Variants in COL8A1 observed in about 807,000 individuals in gnomAD.
COL8A1 encodes collagen alpha-1(VIII) chain.
In COL8A1, 21 loss-of-function variants were observed where a neutral mutation model predicts 42.7. That is an observed-to-expected ratio of 0.49 (90% confidence interval 0.35 to 0.71). The LOEUF is 0.71. COL8A1 is among the 30% of genes least tolerant of loss of function. The pLI is 0.01. For missense variants in COL8A1, 788 were observed against 962.4 expected (o/e 0.82, Z 2.40); for synonymous variants, 367 against 369.1 (o/e 0.99, Z 0.06).
At chr3:99,713,510 C>A (rs144984416) in intron 1 of COL8A1, among the ~76,000 whole-genome samples, 105 of 152,212 alleles carry the variant, frequency 6.9e-4, no homozygotes, top group African/African-American at 2.1e-3. Flanking sequence ...ACAGAATCCA[C>A]GAGCTTCTAT....
intron 1 of COL8A1, among the ~76,000 whole-genome samples, chr3:99,734,834 G>C (rs1236518778): frequency 2.6e-5 from 4 of 152,108 alleles, no homozygotes; most frequent in Non-Finnish European, 5.9e-5. Flanking sequence ...CTTGAGAAGT[G>C]GTTTGCAGTT....
At chr3:99,701,941 T>C (rs1939552665) in intron 1 of COL8A1, among the ~76,000 whole-genome samples, 1 of 152,184 alleles carries the variant, frequency 6.6e-6, no homozygotes, top group South Asian at 2.1e-4. Context: ...CCCATTACTC[T>C]CCTCTACCCT....
Position 99,703,137 on chromosome 3 carries a change from G to T in COL8A1, c.-128-41760G>T, listed in dbSNP as rs113103592. ...TTGGTTTTCACACTAATGAAGATAA[G>T]GAACTAGTGAGGGTATTGAGCAGAA... On this transcript the variant is annotated intron_variant, in intron 1 of 3. Coordinates refer to ENST00000652472, the MANE Select transcript of COL8A1 (RefSeq NM_020351.4). Among the ~76,000 whole-genome samples the T allele has an allele frequency of 3.8e-3, 575 of 152,284 alleles. 3 individuals are homozygous for T. The highest frequency in any genetic ancestry group is 0.013 in the African/African-American group (539 of 41,544).
At chr3:99,665,835 C>T (rs1450071429) in intron 1 of COL8A1, among the ~76,000 whole-genome samples, 1 of 150,812 alleles carries the variant, frequency 6.6e-6, no homozygotes, top group Admixed American at 6.6e-5. Context: ...GTGCCCGCTG[C>T]CACACTTAGC....
At chr3:99,704,184 C>T (rs997688007) in intron 1 of COL8A1, among the ~76,000 whole-genome samples, 8 of 151,976 alleles carry the variant, frequency 5.3e-5, no homozygotes, top group African/African-American at 1.9e-4. Context: ...AAAAATAATA[C>T]TTTAAGAATG....
intron 3 of COL8A1, 89 bp downstream of exon 3, chr3:99,791,099 C>A: frequency 4.1e-6 from 5 of 1,224,222 alleles, no homozygotes; most frequent in Non-Finnish European, 4.5e-6. Flanking sequence ...ATTTTAGAAG[C>A]TTTAGTTTTA....
intron 1 of COL8A1, among the ~76,000 whole-genome samples, chr3:99,695,675 C>A (rs909118246): frequency 1.3e-5 from 2 of 152,040 alleles, no homozygotes; most frequent in African/African-American, 4.8e-5. Context: ...CATAGCATTG[C>A]CACAATTTTT....
chr3:99,666,417 C>T (rs1349734489), intron 1 of COL8A1, among the ~76,000 whole-genome samples: 1 of 152,160 alleles, frequency 6.6e-6, no homozygotes, highest in Admixed American at 6.5e-5. Flanking sequence ...GCATAATCCT[C>T]CTTCTTGAGA....
At chr3:99,741,189 A>T (rs938846308) in intron 1 of COL8A1, among the ~76,000 whole-genome samples, 3 of 152,154 alleles carry the variant, frequency 2.0e-5, no homozygotes, top group African/African-American at 4.8e-5. Context: ...TACTAATGAG[A>T]TTGAAGGCTT....
At chr3:99,677,897 A>G (rs1160054804) in intron 1 of COL8A1, 1 of 151,736 alleles carries the variant, frequency 6.6e-6, no homozygotes, top group Non-Finnish European at 1.5e-5. Flanking sequence ...ATGTAAGGAC[A>G]TGGGAAAATC....
chr3:99,675,211 A>C (rs1938657454), intron 1 of COL8A1, among the ~76,000 whole-genome samples: 1 of 152,000 alleles, frequency 6.6e-6, no homozygotes, highest in Non-Finnish European at 1.5e-5. Flanking sequence ...ATGACACAGA[A>C]AGCTAGAGCC....
intron 1 of COL8A1, among the ~76,000 whole-genome samples, chr3:99,743,402 C>A (rs1331765044): frequency 1.3e-5 from 2 of 152,196 alleles, no homozygotes; most frequent in Non-Finnish European, 2.9e-5. Context: ...ACCCTTCAGG[C>A]CTGAACACAC....
At chr3:99,745,097 G>C (rs1268921120) in intron 2 of COL8A1, 76 bp downstream of exon 2, 1 of 152,306 alleles carries the variant, frequency 6.6e-6, no homozygotes, top group Non-Finnish European at 1.5e-5. Context: ...CGCTGTCCAG[G>C]AGCACAAGGG....
chr3:99,784,643 A>C (rs1344279938), intron 2 of COL8A1, among the ~76,000 whole-genome samples: 1 of 152,230 alleles, frequency 6.6e-6, no homozygotes, highest in Non-Finnish European at 1.5e-5. Context: ...AACATAGAAA[A>C]GATAATGCAT....
At chr3:99,681,932 G>A (rs1249213290) in intron 1 of COL8A1, among the ~76,000 whole-genome samples, 1 of 152,200 alleles carries the variant, frequency 6.6e-6, no homozygotes, top group African/African-American at 2.4e-5. Flanking sequence ...AGCAGAGTGT[G>A]ATATGCAACC....
At chr3:99,731,721 T>C (rs934280481) in intron 1 of COL8A1, among the ~76,000 whole-genome samples, 1 of 152,156 alleles carries the variant, frequency 6.6e-6, no homozygotes, top group Non-Finnish European at 1.5e-5. Context: ...GTTTTTGTTC[T>C]CAAGATCTGA....
chr3:99,769,491 A>G (rs2107436410), intron 2 of COL8A1, among the ~76,000 whole-genome samples: 1 of 152,386 alleles, frequency 6.6e-6, no homozygotes, highest in South Asian at 2.1e-4. Context: ...AGGGCTGGTG[A>G]GACAGTGTCC....
In COL8A1 at chr3:99,738,871, G is replaced by A. The variant is rs187673714; in HGVS notation, c.-128-6026G>A. Among the ~76,000 whole-genome samples, 677 of 152,272 alleles carry A rather than the reference G, an allele frequency of 4.4e-3. 6 individuals are homozygous for A. Among genetic ancestry groups the A allele is most frequent in the African/African-American group, 0.015 (634 of 41,542 alleles). ...TCTCAGACTGCTGTGCTAGCAATCAGCGAGATTCCGTGGGCGTAGGACCCT... is the reference window on the plus strand; with the variant it reads ...TCTCAGACTGCTGTGCTAGCAATCAACGAGATTCCGTGGGCGTAGGACCCT... On this transcript the variant is annotated intron_variant, in intron 1 of 3. Transcript: ENST00000652472.
chr3:99,721,465 A>C, intron 1 of COL8A1, among the ~76,000 whole-genome samples: 1 of 146,702 alleles, frequency 6.8e-6, no homozygotes, highest in Non-Finnish European at 1.5e-5. Context: ...AGGACAGGGA[A>C]GGGAAGGGAG....
Sources: allele counts gnomAD v4.1 joint callset (sites outside exome capture counted in the v4.1 genomes callset), GRCh38; gene constraint gnomAD v4.1.1; transcripts MANE v1.5; gene names NCBI Gene and HGNC (gene_info 2026-07-23, HGNC 2026-07-21).